The following KLC1 variants were observed in gnomAD, a reference collection of about 807,000 sequenced individuals.
The protein encoded by KLC1 is kinesin light chain 1.
In KLC1, 30 loss-of-function variants were observed where a neutral mutation model predicts 84.2. That is an observed-to-expected ratio of 0.36 (90% confidence interval 0.27 to 0.48). The LOEUF (loss-of-function observed/expected upper bound fraction) is 0.48. Ranked by LOEUF, KLC1 falls within the 20% of genes least tolerant of loss-of-function variation. KLC1 has a pLI of 0.99. For missense variants in KLC1, 499 were observed against 805.4 expected (o/e 0.62, Z 4.60); for synonymous variants, 289 against 293.3 (o/e 0.99, Z 0.15).
In KLC1 at chr14:103,693,902, G is replaced by C. The variant is rs2082266880; in HGVS notation, c.1848+1477G>C. The C allele has an allele frequency of 1.4e-5, 18 of 1,296,000 alleles. No individual in the cohort carries two copies. In the South Asian group the frequency reaches 4.0e-4, roughly 29 times the overall value. The allele number at this position is 1,296,000 out of a possible 1,614,324, so 80.3% of individuals were successfully genotyped here. A position where few individuals can be genotyped will look rare whatever the true frequency, so the allele number is the denominator to read the frequency against. Reference sequence around the variant, plus strand: ...GCGCTGAGGTGGCTTCAGCACGCTGGGGATTGGCTCCTGCTCACGGATGCT... The same window carrying C: ...GCGCTGAGGTGGCTTCAGCACGCTGCGGATTGGCTCCTGCTCACGGATGCT... On this transcript the variant is annotated intron_variant, in intron 15 of 16. Coordinates refer to ENST00000334553, the MANE Select transcript of KLC1 (RefSeq NM_001394837.1). The surrounding 1 kb of genome is among the most constrained non-coding windows in gnomAD (Gnocchi z 5.1).
At chr14:103,667,058 C>T (rs1235225747) in intron 5 of KLC1, among the ~76,000 whole-genome samples, 1 of 152,212 alleles carries the variant, frequency 6.6e-6, no homozygotes, top group East Asian at 1.9e-4. Flanking sequence ...GGATTACAGG[C>T]GTGAGCCACC....
intron 13 of KLC1, among the ~76,000 whole-genome samples, chr14:103,680,898 T>C (rs1258134114): frequency 6.6e-6 from 1 of 152,218 alleles, no homozygotes; most frequent in Non-Finnish European, 1.5e-5. Flanking sequence ...CATGTTGACA[T>C]GAAATCATCT....
At chr14:103,642,873 A>G (rs145557286) in intron 1 of KLC1, among the ~76,000 whole-genome samples, 2,601 of 151,668 alleles carry the variant, frequency 0.017, 65 homozygotes, top group African/African-American at 0.055. Flanking sequence ...GTTCAAGGCA[A>G]TTCTCCTGTC....
intron 5 of KLC1, among the ~76,000 whole-genome samples, chr14:103,665,158 CT>C (rs995449577): frequency 1.9e-3 from 273 of 141,966 alleles, no homozygotes; most frequent in Middle Eastern, 7.4e-3. Flanking sequence ...TAATTTTAAG[CT>C]TTTTTTTTTT....
rs267603887 is a variant in KLC1, at chr14:103,687,208, C to T, written c.1778C>T (p.Pro593Leu). The change falls in exon 14 of 17, where the codon CCC (proline) becomes CTC (leucine). Residue 593 changes from proline (P) to leucine (L), a missense_variant. This residue lies in a region of KLC1 where 167 missense variants were observed against 208.8 expected (regional missense o/e 0.80). Coordinates refer to ENST00000334553, the MANE Select transcript of KLC1 (RefSeq NM_001394837.1). ...GSSRESEPKNPGMKRASSLNV... is the reference protein window; with the variant it reads ...GSSRESEPKNLGMKRASSLNV... ...TCACGAGAGAGTGAGCCAAAGAACCCCGGGTAACTATCTCTTCCAGCTCTC... is the reference window on the plus strand; with the variant it reads ...TCACGAGAGAGTGAGCCAAAGAACCTCGGGTAACTATCTCTTCCAGCTCTC... 6.5e-7 allele frequency: 1 copy of T among 1,542,556 alleles called. No homozygotes were observed. Among genetic ancestry groups the T allele is most frequent in the East Asian group, 2.5e-5 (1 of 40,678 alleles).
At position 103,700,260 on chromosome 14, in the gene KLC1, G is replaced by A. The variant is rs533130119; in HGVS notation, c.1849-395G>A. 1.3e-4 allele frequency: 28 copies of A among 213,022 alleles called. 1 individual carries two copies. The South Asian group carries it at 2.3e-3, about 18-fold the overall frequency. 13.2% of individuals were successfully genotyped at this position (213,022 alleles called of 1,614,324 possible). On this transcript the variant is annotated intron_variant, in intron 15 of 16. Coordinates refer to ENST00000334553, the MANE Select transcript of KLC1 (RefSeq NM_001394837.1). ...TCTGAGCTGGCCTGGCCTGGCCAAG[G>A]GGTGGAAACAGCCCTGTGCCCACCA...
At chr14:103,651,446 T>C (rs191761409) in intron 1 of KLC1, among the ~76,000 whole-genome samples, 10 of 152,326 alleles carry the variant, frequency 6.6e-5, no homozygotes, top group Admixed American at 4.6e-4. Flanking sequence ...ATAGTGAGTG[T>C]AGGAGTTTAA....
At chr14:103,672,136 G>A (rs1263852312) in intron 7 of KLC1, among the ~76,000 whole-genome samples, 1 of 152,162 alleles carries the variant, frequency 6.6e-6, no homozygotes, top group Non-Finnish European at 1.5e-5. Context: ...CAGAGCCAGG[G>A]GGTGTTGGGG....
intron 13 of KLC1, chr14:103,685,530 C>T: frequency 1.6e-6 from 2 of 1,285,972 alleles, no homozygotes; most frequent in Non-Finnish European, 2.0e-6. Flanking sequence ...CAGAAGGCTG[C>T]TGAGACTTGT....
At chr14:103,696,879 A>G (rs543401111) in intron 15 of KLC1, 8 of 833,372 alleles carry the variant, frequency 9.6e-6, no homozygotes, top group Non-Finnish European at 1.0e-5. Flanking sequence ...GGGGATGGTC[A>G]GTGTTCTGGG....
rs116681433 is a variant in KLC1 at position 103,632,986 on chromosome 14, C to T, written c.-2+3492C>T. On this transcript the variant is annotated intron_variant, in intron 1 of 16. Transcript: ENST00000334553. Reference sequence around the variant, plus strand: ...GGACATGGGAGTGAGTGTGGAAAGACGAGGTTAGGAAAGGCCTTGAATGAC... The same window carrying T: ...GGACATGGGAGTGAGTGTGGAAAGATGAGGTTAGGAAAGGCCTTGAATGAC... Among the ~76,000 whole-genome samples the T allele has an allele frequency of 7.0e-3, 1,064 of 151,660 alleles. 16 individuals carry two copies. Among genetic ancestry groups the T allele is most frequent in the African/African-American group, 0.025 (1,020 of 41,362 alleles).
intron 1 of KLC1, among the ~76,000 whole-genome samples, chr14:103,633,863 AT>A (rs547590014): frequency 2.5e-4 from 37 of 150,448 alleles, no homozygotes; most frequent in South Asian, 8.4e-4. Context: ...TATTATTATT[AT>A]TTTTTTTTTA....
rs200444926 is a variant in KLC1, at chr14:103,662,745, C to T, written c.615C>T (p.Gly205=). 2.9e-5 allele frequency: 46 copies of T among 1,608,574 alleles called. No homozygotes were observed. Among genetic ancestry groups the T allele is most frequent in the East Asian group, 9.0e-5 (4 of 44,686 alleles). ...GTGCAGCCGCGGCTGCCCAGCAGGGCGGCTACGAGATCCCCGCGCGGCTGC... is the reference window on the plus strand; with the variant it reads ...GTGCAGCCGCGGCTGCCCAGCAGGGTGGCTACGAGATCCCCGCGCGGCTGC... ...HSSAAAAAQQ[G]GYEIPARLRT... The change falls in exon 5 of 17, where the codon GGC becomes GGT. Residue 205 remains glycine (G), a synonymous_variant. Coordinates refer to ENST00000334553, the MANE Select transcript of KLC1 (RefSeq NM_001394837.1).
At chr14:103,669,165 G>A (rs1043934204) in intron 5 of KLC1, among the ~76,000 whole-genome samples, 4 of 151,718 alleles carry the variant, frequency 2.6e-5, no homozygotes, top group Non-Finnish European at 4.4e-5. Context: ...GGCCGGGCAC[G>A]ATGGCTCATG....
At chr14:103,669,298 G>C (rs1470361338) in intron 5 of KLC1, among the ~76,000 whole-genome samples, 1 of 151,836 alleles carries the variant, frequency 6.6e-6, no homozygotes, top group African/African-American at 2.4e-5. Flanking sequence ...AGCCGGGCGT[G>C]GTGACAGATG....
chr14:103,662,676 A>G (rs765522074), intron 4 of KLC1, 26 bp from the exon 5 acceptor site: 31 of 1,513,228 alleles, frequency 2.0e-5, no homozygotes, highest in Non-Finnish European at 2.6e-5. Flanking sequence ...TTAAAAACCC[A>G]TCTGAAGTGA....
intron 9 of KLC1, among the ~76,000 whole-genome samples, chr14:103,675,151 C>T (rs1238892469): frequency 1.3e-5 from 2 of 152,124 alleles, no homozygotes; most frequent in African/African-American, 2.4e-5. Context: ...GACGAAACCC[C>T]ATCTCTACTA....
intron 1 of KLC1, among the ~76,000 whole-genome samples, chr14:103,632,726 A>G (rs1002043549): frequency 6.6e-6 from 1 of 152,130 alleles, no homozygotes; most frequent in Admixed American, 6.6e-5. Flanking sequence ...TGCCTCAAAA[A>G]AAATAAAACC....
intron 1 of KLC1, among the ~76,000 whole-genome samples, chr14:103,653,613 G>A (rs1487413459): frequency 1.3e-5 from 2 of 152,224 alleles, no homozygotes; most frequent in Non-Finnish European, 2.9e-5. Context: ...GAGCCACCAT[G>A]CCTGGCTGTC....
Sources: allele counts gnomAD v4.1 joint callset (sites outside exome capture counted in the v4.1 genomes callset), GRCh38; gene constraint gnomAD v4.1.1; regional missense constraint gnomAD v4.1.1; non-coding constraint Gnocchi (gnomAD v3.1); transcripts MANE v1.5; gene names NCBI Gene and HGNC (gene_info 2026-07-23, HGNC 2026-07-21).